Variants in PIGU observed in about 807,000 individuals in gnomAD.
The protein encoded by PIGU is phosphatidylinositol glycan anchor biosynthesis class U, also known as GPI-anchor transamidase component PIGU.
PIGU carries 24 observed loss-of-function variants against 49.9 expected under a neutral mutation model. The observed-to-expected ratio is 0.48, with a 90% CI of 0.35 to 0.68. The LOEUF (loss-of-function observed/expected upper bound fraction) is 0.68, where lower values mean the gene tolerates loss of function less well. Among genes scored for constraint, PIGU ranks in the 30% least tolerant of loss-of-function variants. PIGU has a pLI of 0.01. For missense variants in PIGU, 490 were observed against 532.6 expected (o/e 0.92, Z 0.79); for synonymous variants, 220 against 205.7 (o/e 1.07, Z -0.59).
At chr20:34,596,998 G>A (rs901502416) in intron 7 of PIGU, among the ~76,000 whole-genome samples, 1 of 152,172 alleles carries the variant, frequency 6.6e-6, no homozygotes, top group Non-Finnish European at 1.5e-5. Context: ...ACCATCAAAT[G>A]TTAGTGAAGA....
chr20:34,663,514 A>C (rs1392362688), intron 1 of PIGU, among the ~76,000 whole-genome samples: 1 of 152,064 alleles, frequency 6.6e-6, no homozygotes, highest in Non-Finnish European at 1.5e-5. Flanking sequence ...AAGAAAAAAG[A>C]CCACTACATA....
At chr20:34,601,260 T>C (rs1984413743) in intron 7 of PIGU, among the ~76,000 whole-genome samples, 1 of 152,148 alleles carries the variant, frequency 6.6e-6, no homozygotes, top group South Asian at 2.1e-4. Flanking sequence ...ATTTTAAGTA[T>C]AATTCTGTTT....
chr20:34,560,986 GGA>G lies in PIGU; in HGVS notation c.1195-9_1195-8del, dbSNP rs750800749. On this transcript the variant is annotated splice_polypyrimidine_tract_variant and splice_region_variant and intron_variant, in intron 11 of 11. Coordinates refer to ENST00000217446, the MANE Select transcript of PIGU (RefSeq NM_080476.5). Reference sequence around the variant, plus strand: ...AATCAGAGATGAGCAGGATCTGGGGGGAGAGAGAGGGTGTGAGGCGCTGCTGG... The same window carrying G: ...AATCAGAGATGAGCAGGATCTGGGGGGAGAGAGGGTGTGAGGCGCTGCTGG... 8.2e-6 allele frequency: 13 copies of G among 1,581,270 alleles called. No individual in the cohort carries two copies. The Admixed American group carries it at 8.4e-5, about 10-fold the overall frequency.
At chr20:34,620,768 G>A (rs367770529) in intron 6 of PIGU, among the ~76,000 whole-genome samples, 32 of 140,800 alleles carry the variant, frequency 2.3e-4, no homozygotes, top group Middle Eastern at 4.0e-3. Flanking sequence ...CCGAGATCGC[G>A]CCACTGCACG....
intron 1 of PIGU, among the ~76,000 whole-genome samples, chr20:34,668,191 G>C (rs1475858294): frequency 6.6e-6 from 1 of 152,014 alleles, no homozygotes; most frequent in Non-Finnish European, 1.5e-5. Context: ...GGCCAGGCGC[G>C]GTGGCTCATG....
chr20:34,617,560 C>G (rs1241011477), intron 6 of PIGU, among the ~76,000 whole-genome samples: 1 of 152,188 alleles, frequency 6.6e-6, no homozygotes, highest in African/African-American at 2.4e-5. Flanking sequence ...GCCTATACCC[C>G]CATTGTATCT....
chr20:34,673,587 T>A (rs375049081), intron 1 of PIGU, among the ~76,000 whole-genome samples: 1 of 152,236 alleles, frequency 6.6e-6, no homozygotes, highest in African/African-American at 2.4e-5. Context: ...TACTATGTCC[T>A]TTCTGATTCA....
intron 6 of PIGU, among the ~76,000 whole-genome samples, chr20:34,618,418 G>T (rs1985089988): frequency 6.6e-6 from 1 of 152,140 alleles, no homozygotes; most frequent in Non-Finnish European, 1.5e-5. Context: ...CCCAACAGGT[G>T]TCTTGTAATG....
At chr20:34,586,600 A>T (rs963252670) in intron 8 of PIGU, among the ~76,000 whole-genome samples, 5 of 151,920 alleles carry the variant, frequency 3.3e-5, no homozygotes, top group Non-Finnish European at 7.4e-5. Flanking sequence ...TCTGTCACCT[A>T]TTGGGCTGTG....
At chr20:34,609,854 A>G (rs565627825) in intron 7 of PIGU, among the ~76,000 whole-genome samples, 1 of 152,280 alleles carries the variant, frequency 6.6e-6, no homozygotes, top group East Asian at 1.9e-4. Flanking sequence ...TAATTGAATC[A>G]TGGGGATGGT....
intron 7 of PIGU, among the ~76,000 whole-genome samples, chr20:34,588,924 T>C (rs181615204): frequency 1.3e-5 from 2 of 152,218 alleles, no homozygotes; most frequent in East Asian, 1.9e-4. Context: ...AACAAATAAA[T>C]TGTGGTATAT....
chr20:34,575,075 C>T, intron 11 of PIGU, 29 bp downstream of exon 11: 7 of 1,611,180 alleles, frequency 4.3e-6, no homozygotes, highest in Non-Finnish European at 5.9e-6. Context: ...TTCCTGTCCC[C>T]AAGCTGACCC....
chr20:34,669,389 T>C (rs1450400172), intron 1 of PIGU, among the ~76,000 whole-genome samples: 1 of 152,030 alleles, frequency 6.6e-6, no homozygotes, highest in Non-Finnish European at 1.5e-5. Flanking sequence ...AAAAACAGGC[T>C]GGTGCAGTGA....
At chr20:34,601,081 A>G (rs1984401358) in intron 7 of PIGU, among the ~76,000 whole-genome samples, 1 of 151,860 alleles carries the variant, frequency 6.6e-6, no homozygotes, top group Non-Finnish European at 1.5e-5. Context: ...AGTCCTGAAC[A>G]CACACTCAGG....
intron 1 of PIGU, among the ~76,000 whole-genome samples, chr20:34,673,025 C>T (rs963347416): frequency 1.3e-5 from 2 of 151,868 alleles, no homozygotes; most frequent in East Asian, 1.9e-4. Flanking sequence ...AAGGCCGAGG[C>T]GGGTGGATCA....
At chr20:34,581,413 T>G in intron 10 of PIGU, 135 bp downstream of exon 10, 1 of 1,252,864 alleles carries the variant, frequency 8.0e-7, no homozygotes, top group Non-Finnish European at 1.1e-6. Flanking sequence ...GATATTGTGC[T>G]TCATGCCTCT....
intron 7 of PIGU, among the ~76,000 whole-genome samples, chr20:34,609,830 G>C (rs1216791279): frequency 6.6e-6 from 1 of 152,110 alleles, no homozygotes; most frequent in East Asian, 1.9e-4. Flanking sequence ...TCATGAGAGG[G>C]ACCCGGTGGG....
chr20:34,583,595 CAAT>C (rs1381974413), intron 9 of PIGU, among the ~76,000 whole-genome samples: 1 of 152,232 alleles, frequency 6.6e-6, no homozygotes, highest in Non-Finnish European at 1.5e-5. Context: ...TGCATGCAGA[CAAT>C]AAAAGCTGCC....
At chr20:34,615,602 A>G (rs1984972838) in intron 7 of PIGU, among the ~76,000 whole-genome samples, 2 of 152,198 alleles carry the variant, frequency 1.3e-5, no homozygotes, top group Admixed American at 6.5e-5. Context: ...CCAGAAACAA[A>G]CAATTCATAA....
Sources: allele counts gnomAD v4.1 joint callset (sites outside exome capture counted in the v4.1 genomes callset), GRCh38; gene constraint gnomAD v4.1.1; transcripts MANE v1.5; gene names NCBI Gene and HGNC (gene_info 2026-07-23, HGNC 2026-07-21).